Variants in NIBAN3 observed in about 807,000 individuals in gnomAD.
NIBAN3 encodes the protein protein Niban 3.
A neutral mutation model predicts 76.4 loss-of-function variants in NIBAN3; 66 were observed. The observed-to-expected ratio is 0.86, with a 90% CI of 0.71 to 1.06. The LOEUF (loss-of-function observed/expected upper bound fraction) is 1.06, where lower values mean the gene tolerates loss of function less well. NIBAN3 is among the 50% of genes least tolerant of loss of function. The pLI, the probability that NIBAN3 is intolerant of heterozygous loss-of-function variation, is 0.00. For missense variants in NIBAN3, 808 were observed against 810.7 expected (o/e 1.00, Z 0.04); for synonymous variants, 360 against 355.2 (o/e 1.01, Z -0.15).
At chr19:17,539,532 T>A in intron 7 of NIBAN3, 71 bp from the exon 8 acceptor site, 2 of 1,462,866 alleles carry the variant, frequency 1.4e-6, no homozygotes. Flanking sequence ...GCCTAAACCC[T>A]CTCCCGATCT....
intron 12 of NIBAN3, among the ~76,000 whole-genome samples, chr19:17,544,854 G>T (rs898918783): frequency 7.2e-5 from 11 of 152,182 alleles, no homozygotes; most frequent in Non-Finnish European, 1.5e-4. Flanking sequence ...GTGATTTGCT[G>T]TGCCTAATTA....
At chr19:17,526,341 G>C (rs1307502110), upstream of NIBAN3, among the ~76,000 whole-genome samples, 1 of 151,424 alleles carries the variant, frequency 6.6e-6, no homozygotes, top group Non-Finnish European at 1.5e-5. Context: ...ACCTTTAAGA[G>C]ACACTTAAAA....
chr19:17,549,923 T>C (rs2076127817), intron 14 of NIBAN3: 1 of 381,762 alleles, frequency 2.6e-6, no homozygotes, highest in African/African-American at 2.0e-5. Context: ...TTCAAGTGAA[T>C]CTCCTGCCTC....
At chr19:17,533,449 G>C in intron 3 of NIBAN3, 138 bp from the exon 4 acceptor site, 1 of 556,888 alleles carries the variant, frequency 1.8e-6, no homozygotes, top group Non-Finnish European at 3.2e-6. Flanking sequence ...GAGGAATGGA[G>C]GAAAGGAGAG....
At chr19:17,546,209 A>T (rs2076052065) in intron 12 of NIBAN3, 1 of 162,126 alleles carries the variant, frequency 6.2e-6, no homozygotes, top group South Asian at 1.6e-4. Context: ...AATAAAGAGT[A>T]ACTGCTACCA....
chr19:17,548,415 T>A (rs563237516), intron 13 of NIBAN3, among the ~76,000 whole-genome samples: 1 of 151,758 alleles, frequency 6.6e-6, no homozygotes, highest in Non-Finnish European at 1.5e-5. Flanking sequence ...GAGGCCCCGG[T>A]TCTGGGAACA....
chr19:17,549,931 C>T (rs1230701254), intron 14 of NIBAN3: 1 of 371,082 alleles, frequency 2.7e-6, no homozygotes, highest in South Asian at 8.5e-5. Flanking sequence ...AATCTCCTGC[C>T]TCAGCCTCCC....
At chr19:17,536,299 T>C (rs1247589716) in intron 4 of NIBAN3, among the ~76,000 whole-genome samples, 1 of 152,164 alleles carries the variant, frequency 6.6e-6, no homozygotes, top group Admixed American at 6.6e-5. Flanking sequence ...CAAGTGATCC[T>C]CCTGCCTCAA....
chr19:17,526,560 G>T (rs531732678), upstream of NIBAN3, among the ~76,000 whole-genome samples: 9 of 151,446 alleles, frequency 5.9e-5, no homozygotes, highest in African/African-American at 2.2e-4. Flanking sequence ...AAGTGAGAGG[G>T]TCACTTGAGC....
upstream of NIBAN3, chr19:17,523,597 TGGATGG>T: frequency 1.5e-6 from 1 of 648,922 alleles, no homozygotes; most frequent in Non-Finnish European, 2.7e-6. Flanking sequence ...GGACCCCACA[TGGATGG>T]TTGTGCCTGG....
chr19:17,538,742 GAAAGAGAA>G (rs776026649), intron 5 of NIBAN3, among the ~76,000 whole-genome samples: 68 of 135,454 alleles, frequency 5.0e-4, no homozygotes, highest in African/African-American at 1.5e-3. Context: ...AAGAAAGAAA[GAAAGAGAA>G]AGAAAGAAAG....
intron 4 of NIBAN3, among the ~76,000 whole-genome samples, chr19:17,536,636 C>T (rs1350458397): frequency 6.6e-6 from 1 of 152,124 alleles, no homozygotes; most frequent in Non-Finnish European, 1.5e-5. Context: ...AACTCCTGGG[C>T]CCAAGGGATC....
At position 17,542,165 on chromosome 19, in the gene NIBAN3, C is replaced by G. The variant is rs766053247; in HGVS notation, c.1200C>G (p.Asp400Glu). Residue 400 changes from aspartate to glutamate, a missense_variant, in exon 10 of 15, where the codon GAC (aspartate) becomes GAG (glutamate). By Grantham distance (45) the Asp-to-Glu change is conservative. Coordinates refer to ENST00000599164, the MANE Select transcript of NIBAN3 (RefSeq NM_001321827.2). The surrounding 1 kb of genome is among the most constrained non-coding windows in gnomAD (Gnocchi z 4.8). The stretch of plus-strand genomic sequence containing the variant: ...ACTCATTTGGGGAGATGCCGTGGGA[C>G]TTGGCGCTGATGCAGACATGCTACC... ...EVYSFGEMPW[D>E]LALMQTCYRE... The G allele has an allele frequency of 2.5e-6, 4 of 1,614,168 alleles. No individual in the cohort carries two copies. Among genetic ancestry groups the G allele is most frequent in the South Asian group, 1.1e-5 (1 of 91,082 alleles).
Position 17,553,122 on chromosome 19 carries a change from G to GTT in NIBAN3, c.*1236_*1237dup, listed in dbSNP as rs377076462. Reference sequence around the variant, plus strand: ...TTGATTAGCCATTTACATGTTTGTAGTTTTTTTTTTTTTAATTTCAGTGAA... The same window carrying GTT: ...TTGATTAGCCATTTACATGTTTGTAGTTTTTTTTTTTTTTTAATTTCAGTGAA... On this transcript the variant is annotated 3_prime_UTR_variant, in exon 15 of 15. Coordinates refer to ENST00000599164, the MANE Select transcript of NIBAN3 (RefSeq NM_001321827.2). 1,827 of 641,536 alleles carry GTT rather than the reference G, an allele frequency of 2.8e-3. No individual in the cohort carries two copies. Among genetic ancestry groups the GTT allele is most frequent in the South Asian group, 4.3e-3 (164 of 37,822 alleles). The allele number at this position is 641,536 out of a possible 1,614,324, so 39.7% of individuals were successfully genotyped here. A position where few individuals can be genotyped will look rare whatever the true frequency, so the allele number is the denominator to read the frequency against.
chr19:17,527,259 C>G, upstream of NIBAN3: 1 of 1,550,160 alleles, frequency 6.5e-7, no homozygotes, highest in Non-Finnish European at 8.7e-7. Context: ...GCCTCTCACC[C>G]GCCATCCAGG....
chr19:17,525,495 C>T (rs144500798), upstream of NIBAN3, among the ~76,000 whole-genome samples: 6 of 152,312 alleles, frequency 3.9e-5, no homozygotes, highest in South Asian at 2.1e-4. Flanking sequence ...ATAAAGGTCG[C>T]GCCCAACCAG....
At position 17,542,398 on chromosome 19, in the gene NIBAN3, C is replaced by A; in HGVS notation, c.1329+104C>A. The A allele has an allele frequency of 8.0e-7, 1 of 1,252,674 alleles. No individual in the cohort carries two copies. The highest frequency in any genetic ancestry group is 1.1e-6 in the Non-Finnish European group (1 of 911,872). The allele number at this position is 1,252,674 out of a possible 1,614,324, so 77.6% of individuals were successfully genotyped here. A position where few individuals can be genotyped will look rare whatever the true frequency, so the allele number is the denominator to read the frequency against. Reference sequence around the variant, plus strand: ...GAGACCACGATGATCGAGACAACTCCGCGGGGCTGCCAGTCTCATGGGGAC... The same window carrying A: ...GAGACCACGATGATCGAGACAACTCAGCGGGGCTGCCAGTCTCATGGGGAC... On this transcript the variant is annotated intron_variant, in intron 10 of 14. Coordinates refer to ENST00000599164, the MANE Select transcript of NIBAN3 (RefSeq NM_001321827.2). This position sits in a 1 kb window ranked among gnomAD's most constrained non-coding sequence, Gnocchi z 4.8.
At chr19:17,534,888 A>G (rs1027767727) in intron 4 of NIBAN3, among the ~76,000 whole-genome samples, 4 of 152,050 alleles carry the variant, frequency 2.6e-5, no homozygotes, top group South Asian at 2.1e-4. Context: ...GGCTTGCACT[A>G]TCTCATAAAG....
chr19:17,525,896 T>G (rs541937625), upstream of NIBAN3, among the ~76,000 whole-genome samples: 8 of 152,034 alleles, frequency 5.3e-5, no homozygotes, highest in Non-Finnish European at 8.8e-5. Flanking sequence ...GGTCAGGAGT[T>G]TGAGGCCAGC....
Sources: allele counts gnomAD v4.1 joint callset (sites outside exome capture counted in the v4.1 genomes callset), GRCh38; gene constraint gnomAD v4.1.1; non-coding constraint Gnocchi (gnomAD v3.1); transcripts MANE v1.5; gene names NCBI Gene and HGNC (gene_info 2026-07-23, HGNC 2026-07-21).